The following SNAPC4 variants were observed in gnomAD, a reference collection of about 807,000 sequenced individuals.
SNAPC4 encodes small nuclear RNA activating complex polypeptide 4.
Under a neutral mutation model 151.3 loss-of-function variants are expected in SNAPC4, and 127 were observed. The observed-to-expected ratio is 0.84, with a 90% confidence interval of 0.73 to 0.97. The LOEUF (loss-of-function observed/expected upper bound fraction) is 0.97, where lower values mean the gene tolerates loss of function less well. SNAPC4 is among the 50% of genes least tolerant of loss of function. The pLI, the probability that SNAPC4 is intolerant of heterozygous loss-of-function variation, is 0.00. For synonymous variants in SNAPC4, 1,002 were observed against 824.4 expected, an observed-to-expected ratio of 1.22 and a Z score of -3.69; for missense variants, 2,186 against 1,935.0, an observed-to-expected ratio of 1.13 and a Z score of -2.43.
At chr9:136,395,186 AT>A in intron 5 of SNAPC4, 111 bp downstream of exon 5, 1 of 1,386,714 alleles carries the variant, frequency 7.2e-7, no homozygotes, top group Non-Finnish European at 9.9e-7. Context: ...AGGTTGGCCA[AT>A]GTTATCTTGA....
intron 13 of SNAPC4, among the ~76,000 whole-genome samples, chr9:136,385,856 C>A (rs1263923607): frequency 1.3e-5 from 2 of 152,078 alleles, no homozygotes; most frequent in African/African-American, 4.8e-5. Context: ...GCCCTGCCAA[C>A]CCCTTTTTAA....
chr9:136,397,517 T>C (rs1834314317), intron 2 of SNAPC4, among the ~76,000 whole-genome samples: 1 of 130,614 alleles, frequency 7.7e-6, no homozygotes, highest in South Asian at 2.5e-4. Flanking sequence ...GCTCAGAAGC[T>C]AAAGGGAGCA....
chr9:136,390,898 G>C (rs113290997), intron 10 of SNAPC4, among the ~76,000 whole-genome samples: 22,384 of 151,012 alleles, frequency 0.15, 1,755 homozygotes, highest in East Asian at 0.26. Flanking sequence ...GCAGTGGCGC[G>C]ACGTCCGCTC....
Position 136,378,403 on chromosome 9 carries a change from T to C in SNAPC4, c.3424A>G (p.Arg1142Gly). The C allele has an allele frequency of 6.2e-7, 1 of 1,607,246 alleles. No homozygotes were observed. The highest frequency in any genetic ancestry group is 8.5e-7 in the Non-Finnish European group (1 of 1,178,246). The change falls in exon 22 of 24, where the codon AGG becomes GGG. Residue 1142 changes from arginine (R) to glycine (G), a missense_variant. Arg to Gly is a moderately radical substitution (Grantham distance 125). Coordinates refer to ENST00000684778, the MANE Select transcript of SNAPC4 (RefSeq NM_003086.4). ...GTCCTGCAGGAAGGCTCCGGTTCCCTGTTCATATTGGCTGGGGGCTGCCAA... is the reference window on the plus strand; with the variant it reads ...GTCCTGCAGGAAGGCTCCGGTTCCCCGTTCATATTGGCTGGGGGCTGCCAA... ...SSWQPPANMNREPEPSCRTDT... is the reference protein window; with the variant it reads ...SSWQPPANMNGEPEPSCRTDT...
Position 136,381,260 on chromosome 9 carries a change from A to G in SNAPC4, c.2388+62T>C. 9 of 1,398,114 alleles carry G rather than the reference A, an allele frequency of 6.4e-6. No individual in the cohort carries two copies. The South Asian group carries it at 1.1e-4, about 16-fold the overall frequency. The allele number at this position is 1,398,114 out of a possible 1,614,324, so 86.6% of individuals were successfully genotyped here. On this transcript the variant is annotated intron_variant, in intron 19 of 23. Coordinates refer to ENST00000684778, the MANE Select transcript of SNAPC4 (RefSeq NM_003086.4). ...AAGGAATGAATCTACTGCAGATTTC[A>G]AAACTTCACCAAAAACTTTTTACAA...
At chr9:136,396,535 G>C (rs1834280330) in intron 3 of SNAPC4, among the ~76,000 whole-genome samples, 1 of 152,160 alleles carries the variant, frequency 6.6e-6, no homozygotes, top group African/African-American at 2.4e-5. Flanking sequence ...TCCTGCCTCA[G>C]CCACCCAAGT....
rs753177941 is a variant in SNAPC4, at chr9:136,383,519, C to T, written c.1650G>A (p.Ala550=). The change falls in exon 16 of 24, where the codon GCG becomes GCA. Residue 550 remains alanine, a synonymous_variant. Transcript: ENST00000684778. This position sits in a 1 kb window ranked among gnomAD's most constrained non-coding sequence, Gnocchi z 4.2. Reference sequence around the variant, plus strand: ...GCGCTCTGTCACCCTCCCCGGCCTGCGCCTGCTCTGGCTCGTCCTCCTCGC... The same window carrying T: ...GCGCTCTGTCACCCTCCCCGGCCTGTGCCTGCTCTGGCTCGTCCTCCTCGC... ...SSSEEDEPEQ[A]QAGEGDRALL... 8.8e-6 allele frequency: 14 copies of T among 1,588,840 alleles called. No homozygotes were observed. Among genetic ancestry groups the T allele is most frequent in the Middle Eastern group, 1.7e-4 (1 of 5,900 alleles).
At chr9:136,391,203 A>G (rs11145846) in intron 10 of SNAPC4, among the ~76,000 whole-genome samples, 6,175 of 152,276 alleles carry the variant, frequency 0.041, 151 homozygotes, top group East Asian at 0.12. Context: ...TACAGAGAAC[A>G]TACCTTTTTC....
At chr9:136,388,959 C>T (rs1833980693) in intron 10 of SNAPC4, among the ~76,000 whole-genome samples, 1 of 152,252 alleles carries the variant, frequency 6.6e-6, no homozygotes, top group African/African-American at 2.4e-5. Context: ...ATGTGGCATG[C>T]TCTCTAAATG....
intron 10 of SNAPC4, among the ~76,000 whole-genome samples, chr9:136,389,917 C>G (rs536506061): frequency 4.6e-5 from 7 of 152,188 alleles, no homozygotes; most frequent in Non-Finnish European, 1.0e-4. Context: ...GAGAAAGAAT[C>G]TGGCGGGGGA....
Position 136,394,291 on chromosome 9 carries a change from A to C in SNAPC4, c.590T>G (p.Val197Gly). 6.2e-7 allele frequency: 1 copy of C among 1,613,946 alleles called. No individual in the cohort carries two copies. Among genetic ancestry groups the C allele is most frequent in the Non-Finnish European group, 8.5e-7 (1 of 1,179,976 alleles). The change falls in exon 7 of 24, where the codon GTG becomes GGG. Residue 197 changes from valine to glycine, a missense_variant. Val to Gly is a moderately radical substitution (Grantham distance 109). Transcript: ENST00000684778. ...AAGCAATCGCTGCAGGCGGTCACTC[A>C]CCACTGACTTTCGGAGCAAGGCCTT... Reference protein sequence around the residue: ...WEKALLRKSVVSDRLQRLLQP... With the variant: ...WEKALLRKSVGSDRLQRLLQP...
chr9:136,383,428 G>C lies in SNAPC4; in HGVS notation c.1741C>G (p.Gln581Glu). The C allele has an allele frequency of 6.4e-7, 1 of 1,565,156 alleles. No homozygotes were observed. Among genetic ancestry groups the C allele is most frequent in the Non-Finnish European group, 8.7e-7 (1 of 1,154,950 alleles). Residue 581 changes from glutamine (Q) to glutamate (E), a missense_variant, in exon 16 of 24, where the codon CAG (glutamine) becomes GAG (glutamate). Physicochemically the swap from Gln to Glu is conservative, Grantham distance 29 (BLOSUM62 2). Coordinates refer to ENST00000684778, the MANE Select transcript of SNAPC4 (RefSeq NM_003086.4). The surrounding 1 kb of genome is among the most constrained non-coding windows in gnomAD (Gnocchi z 4.2). Reference protein sequence around the residue: ...LWVPARQSTSQPWRGGAGAWL... With the variant: ...LWVPARQSTSEPWRGGAGAWL... ...GCCCCTGCCCCTCCTCTCCATGGCT[G>C]GCTGGTGCTCTGCCTGGCAGGAACC...
At position 136,391,993 on chromosome 9, in the gene SNAPC4, G is replaced by C; in HGVS notation, c.924C>G (p.Ile308Met). 1 of 1,609,478 alleles carries C rather than the reference G, an allele frequency of 6.2e-7. No individual in the cohort carries two copies. Among genetic ancestry groups the C allele is most frequent in the South Asian group, 1.1e-5 (1 of 91,070 alleles). Reference sequence around the variant, plus strand: ...ACTCCAGGTGGCCGTGTGCAGCCGCGATCGCCTGCAGCCGCTCCTCCTCCT... The same window carrying C: ...ACTCCAGGTGGCCGTGTGCAGCCGCCATCGCCTGCAGCCGCTCCTCCTCCT... The part of the protein sequence containing the change: ...SREEEERLQA[I>M]AAAHGHLEWQ... Residue 308 changes from isoleucine to methionine, a missense_variant, in exon 10 of 24, where the codon ATC (isoleucine) becomes ATG (methionine). Transcript: ENST00000684778.
intron 4 of SNAPC4, 67 bp downstream of exon 4, chr9:136,395,536 A>G: frequency 6.5e-7 from 1 of 1,537,790 alleles, no homozygotes; most frequent in Non-Finnish European, 8.8e-7. Flanking sequence ...TGGACCTGGG[A>G]GGCCCAGCTG....
intron 9 of SNAPC4, among the ~76,000 whole-genome samples, 161 bp downstream of exon 9, chr9:136,392,361 A>G (rs553053634): frequency 6.6e-6 from 1 of 152,292 alleles, no homozygotes; most frequent in East Asian, 1.9e-4. Flanking sequence ...TCCACTCGCC[A>G]TTCCCGACTG....
rs1158551528 is a variant in SNAPC4, at chr9:136,376,468, G to C, written c.4298C>G (p.Ser1433Cys). 6.2e-7 allele frequency: 1 copy of C among 1,613,244 alleles called. No individual in the cohort carries two copies. The highest frequency in any genetic ancestry group is 8.5e-7 in the Non-Finnish European group (1 of 1,179,858). The change falls in exon 23 of 24, where the codon TCT (serine) becomes TGT (cysteine). Residue 1433 changes from serine to cysteine, a missense_variant. By Grantham distance (112) the Ser-to-Cys change is moderately radical. Coordinates refer to ENST00000684778, the MANE Select transcript of SNAPC4 (RefSeq NM_003086.4). The stretch of plus-strand genomic sequence containing the variant: ...GCAGGAGGAAGCAGAGCATTTACCA[G>C]AGTCTGGGGCTCCCTGAAAGAAAAT... ...ATCPIQGAPD[S>C]GKCSASSCLD...
intron 5 of SNAPC4, 36 bp from the exon 6 acceptor site, chr9:136,394,914 C>T (rs1294286281): frequency 1.3e-6 from 2 of 1,568,136 alleles, no homozygotes; most frequent in Non-Finnish European, 1.8e-6. Context: ...AAGCACAGGC[C>T]ACATGTGCTC....
chr9:136,380,979 C>T (rs1301682705), intron 19 of SNAPC4, 129 bp from the exon 20 acceptor site: 5 of 621,662 alleles, frequency 8.0e-6, no homozygotes, highest in South Asian at 7.6e-5. Context: ...GCCTTCCTGC[C>T]CTTCTGATGC....
intron 23 of SNAPC4, 41 bp downstream of exon 23, chr9:136,376,308 C>A: frequency 6.2e-7 from 1 of 1,608,060 alleles, no homozygotes; most frequent in Non-Finnish European, 8.5e-7. Flanking sequence ...CCACTCTGTC[C>A]CCTGGGTTGT....
Sources: gnomAD v4.1 joint callset for allele counts (sites outside exome capture counted in the v4.1 genomes callset) on GRCh38, gnomAD v4.1.1 for gene constraint, Gnocchi (gnomAD v3.1) non-coding constraint, MANE v1.5 for transcripts, NCBI Gene and HGNC (gene_info 2026-07-23, HGNC 2026-07-21) for gene names.